The following HACD2 variants were observed in gnomAD, a reference collection of about 807,000 sequenced individuals.
HACD2 encodes the protein very-long-chain (3R)-3-hydroxyacyl-CoA dehydratase 2.
In HACD2, 15 loss-of-function variants were observed where a neutral mutation model predicts 31.0. The ratio of observed to expected loss-of-function variants is 0.48; its 90% CI spans 0.32 to 0.75. The LOEUF (loss-of-function observed/expected upper bound fraction) is 0.75, where lower values mean the gene tolerates loss of function less well. Among genes scored for constraint, HACD2 ranks in the 30% least tolerant of loss-of-function variants. The pLI is 0.03. For missense variants in HACD2, 283 were observed against 313.0 expected (o/e 0.90, Z 0.72); for synonymous variants, 115 against 122.2 (o/e 0.94, Z 0.39).
intron 5 of HACD2, 69 bp from the exon 6 acceptor site, chr3:123,500,762 C>G (rs2055893071): frequency 2.0e-6 from 2 of 1,006,714 alleles, no homozygotes; most frequent in Admixed American, 2.4e-5. Context: ...CACTTCCCAC[C>G]CTTCTAATCA....
chr3:123,558,082 A>G (rs2056691005), intron 3 of HACD2, among the ~76,000 whole-genome samples: 1 of 152,254 alleles, frequency 6.6e-6, no homozygotes, highest in Non-Finnish European at 1.5e-5. Context: ...ACAACGGGGT[A>G]TTATTCAGTG....
intron 6 of HACD2, among the ~76,000 whole-genome samples, chr3:123,498,123 AGT>A (rs2055856586): frequency 6.6e-6 from 1 of 152,184 alleles, no homozygotes; most frequent in African/African-American, 2.4e-5. Flanking sequence ...GCCACAGCAC[AGT>A]GAGGCCAGCA....
intron 3 of HACD2, among the ~76,000 whole-genome samples, chr3:123,549,140 T>A (rs967991084): frequency 6.6e-6 from 1 of 151,768 alleles, no homozygotes; most frequent in African/African-American, 2.4e-5. Flanking sequence ...AGGAGTATAT[T>A]AAGGTTAAAA....
chr3:123,536,832 T>C (rs1284070599), intron 3 of HACD2, among the ~76,000 whole-genome samples: 1 of 152,130 alleles, frequency 6.6e-6, no homozygotes, highest in Non-Finnish European at 1.5e-5. Flanking sequence ...TTCGAGGATA[T>C]CATACCCACT....
chr3:123,579,326 ACT>A (rs2056941336), intron 2 of HACD2, among the ~76,000 whole-genome samples: 1 of 150,612 alleles, frequency 6.6e-6, no homozygotes, highest in South Asian at 2.1e-4. Flanking sequence ...ACAAGGTCTC[ACT>A]CTGTCATCCA....
intron 1 of HACD2, among the ~76,000 whole-genome samples, chr3:123,583,975 ACTT>A (rs937126314): frequency 3.3e-5 from 5 of 152,222 alleles, no homozygotes; most frequent in African/African-American, 1.2e-4. Flanking sequence ...AAATGTTAGG[ACTT>A]CTTAAAAAAT....
chr3:123,542,294 T>A (rs2056503506), intron 3 of HACD2, among the ~76,000 whole-genome samples: 1 of 152,052 alleles, frequency 6.6e-6, no homozygotes. Flanking sequence ...GGAATTATAT[T>A]CAACTCCACA....
At chr3:123,511,729 T>C (rs2056065762) in intron 4 of HACD2, among the ~76,000 whole-genome samples, 1 of 152,208 alleles carries the variant, frequency 6.6e-6, no homozygotes, top group Non-Finnish European at 1.5e-5. Context: ...CCCTAACGAA[T>C]TACCTAAAGT....
intron 4 of HACD2, among the ~76,000 whole-genome samples, chr3:123,514,291 CAG>C (rs1440020963): frequency 1.3e-5 from 2 of 151,878 alleles, no homozygotes; most frequent in Non-Finnish European, 2.9e-5. Flanking sequence ...ACAAAAAACA[CAG>C]AGAGAGTAGG....
At chr3:123,571,457 G>T (rs2056854978) in intron 2 of HACD2, among the ~76,000 whole-genome samples, 1 of 152,180 alleles carries the variant, frequency 6.6e-6, no homozygotes, top group Non-Finnish European at 1.5e-5. Context: ...GGAAGTCAGA[G>T]ATATTCAAAG....
At chr3:123,557,841 G>T (rs1287478080) in intron 3 of HACD2, among the ~76,000 whole-genome samples, 1 of 152,144 alleles carries the variant, frequency 6.6e-6, no homozygotes. Flanking sequence ...AAAGCAAAAC[G>T]GTACAGACAC....
rs1477720900 is a variant in HACD2, at chr3:123,491,945, T to G, written c.*2943A>C. 1 of 152,238 alleles carries G rather than the reference T, an allele frequency of 6.6e-6. No individual in the cohort carries two copies. Among genetic ancestry groups the G allele is most frequent in the Non-Finnish European group, 1.5e-5 (1 of 68,036 alleles). The allele number at this position is 152,238 out of a possible 1,614,324, so 9.4% of individuals were successfully genotyped here. A position where few individuals can be genotyped will look rare whatever the true frequency, so the allele number is the denominator to read the frequency against. On this transcript the variant is annotated 3_prime_UTR_variant, in exon 7 of 7. Coordinates refer to ENST00000383657, the MANE Select transcript of HACD2 (RefSeq NM_198402.5). The stretch of plus-strand genomic sequence containing the variant: ...TTGTACCATATCAATGCCAACCTTT[T>G]ATTATAAATGAATAACCAAAAAAAT...
intron 2 of HACD2, among the ~76,000 whole-genome samples, chr3:123,575,499 G>T (rs180931682): frequency 6.6e-6 from 1 of 152,156 alleles, no homozygotes; most frequent in African/African-American, 2.4e-5. Flanking sequence ...TTTGGACAGC[G>T]TTCCAACGTT....
intron 4 of HACD2, among the ~76,000 whole-genome samples, chr3:123,504,543 C>A (rs893519402): frequency 1.5e-4 from 23 of 148,890 alleles, no homozygotes; most frequent in East Asian, 5.8e-4. Flanking sequence ...AAAAAAAAAA[C>A]AAACAAAACC....
chr3:123,546,569 G>A lies in HACD2; in HGVS notation c.293-18095C>T, dbSNP rs140333161. Among the ~76,000 whole-genome samples the A allele has an allele frequency of 1.3e-4, 20 of 152,222 alleles. No individual in the cohort carries two copies. In the East Asian group the frequency reaches 2.5e-3, roughly 19 times the overall value. On this transcript the variant is annotated intron_variant, in intron 3 of 6. Coordinates refer to ENST00000383657, the MANE Select transcript of HACD2 (RefSeq NM_198402.5). ...GACACCATATTAACTCATCACAGAC[G>A]TCTTATAACCATAAGACTACAAGTA...
chr3:123,556,499 G>C (rs2056674307), intron 3 of HACD2, among the ~76,000 whole-genome samples: 1 of 151,662 alleles, frequency 6.6e-6, no homozygotes. Flanking sequence ...GTGATATTTT[G>C]ACATATTCAT....
chr3:123,508,942 T>C (rs2056014118), intron 4 of HACD2, among the ~76,000 whole-genome samples: 1 of 152,172 alleles, frequency 6.6e-6, no homozygotes, highest in South Asian at 2.1e-4. Flanking sequence ...TGGTATCTTT[T>C]TTCATAAGGG....
At chr3:123,571,154 T>C (rs981007411) in intron 2 of HACD2, among the ~76,000 whole-genome samples, 8 of 152,206 alleles carry the variant, frequency 5.3e-5, no homozygotes, top group African/African-American at 1.9e-4. Flanking sequence ...CAGAACAGAA[T>C]GTGCAGAGAG....
At position 123,574,564 on chromosome 3, in the gene HACD2, G is replaced by A. The variant is rs558781302; in HGVS notation, c.274-6784C>T. On this transcript the variant is annotated intron_variant, in intron 2 of 6. Transcript: ENST00000383657. ...GTAAAACTCTATTTCTCTTTAAATC[G>A]AAAAATAAAATAAGCTGCCTATTGT... Among the ~76,000 whole-genome samples the A allele has an allele frequency of 5.3e-5, 8 of 151,692 alleles. No individual in the cohort carries two copies. The South Asian group carries it at 6.2e-4, about 12-fold the overall frequency.
Sources: allele counts gnomAD v4.1 joint callset (sites outside exome capture counted in the v4.1 genomes callset), GRCh38; gene constraint gnomAD v4.1.1; transcripts MANE v1.5; gene names NCBI Gene and HGNC (gene_info 2026-07-23, HGNC 2026-07-21).